Variants in SYNPO2 observed in about 807,000 individuals in gnomAD.
SYNPO2 encodes the protein synaptopodin-2.
Under a neutral mutation model 85.0 loss-of-function variants are expected in SYNPO2, and 56 were observed. The ratio of observed to expected loss-of-function variants is 0.66; its 90% CI spans 0.53 to 0.82. SYNPO2 has a LOEUF of 0.82. Ranked by LOEUF, SYNPO2 falls within the 40% of genes least tolerant of loss-of-function variation. The probability of loss-of-function intolerance (pLI) is 0.00; values close to 1 mark genes in which losing one functional copy is unlikely to be tolerated. For synonymous variants in SYNPO2, 602 were observed against 591.1 expected, an observed-to-expected ratio of 1.02 and a Z score of -0.27; for missense variants, 1,575 against 1,534.2, an observed-to-expected ratio of 1.03 and a Z score of -0.44.
intron 1 of SYNPO2, among the ~76,000 whole-genome samples, chr4:118,989,849 C>G (rs2149167376): frequency 6.6e-6 from 1 of 152,308 alleles, no homozygotes; most frequent in South Asian, 2.1e-4. Flanking sequence ...GAGACAACAC[C>G]AAGAGTCCCT....
intron 4 of SYNPO2, chr4:119,035,822 A>AG: frequency 1.1e-6 from 1 of 926,174 alleles, no homozygotes; most frequent in Non-Finnish European, 1.3e-6. Context: ...AGATGTCCAA[A>AG]AAAAAAAAAA....
intron 4 of SYNPO2, chr4:119,037,409 TA>T: frequency 8.4e-7 from 1 of 1,188,198 alleles, no homozygotes; most frequent in Middle Eastern, 3.5e-4. Context: ...ATTCTAAGAA[TA>T]AACAGAAAAA....
chr4:118,992,826 A>G (rs974960279), intron 1 of SYNPO2, among the ~76,000 whole-genome samples: 4 of 152,150 alleles, frequency 2.6e-5, no homozygotes, highest in Admixed American at 1.3e-4. Context: ...ACTTCCATTT[A>G]GAGTAGTTTC....
chr4:118,863,803 G>T (rs1279379749), intron 1 of SYNPO2, among the ~76,000 whole-genome samples: 2 of 151,950 alleles, frequency 1.3e-5, no homozygotes, highest in African/African-American at 4.8e-5. Flanking sequence ...ATAGAGAAGG[G>T]GTTTTTCCAT....
chr4:118,875,876 G>A (rs1560811607), intron 1 of SYNPO2, among the ~76,000 whole-genome samples: 1 of 152,128 alleles, frequency 6.6e-6, no homozygotes, highest in Non-Finnish European at 1.5e-5. Context: ...TCTTCAATGG[G>A]CAGTGGCAAT....
chr4:118,964,371 T>TAGTTTGTG (rs1491587097), intron 1 of SYNPO2, among the ~76,000 whole-genome samples: 4 of 151,444 alleles, frequency 2.6e-5, no homozygotes, highest in Non-Finnish European at 5.9e-5. Flanking sequence ...GTGCCTGTGG[T>TAGTTTGTG]CCCAGCTACT....
At chr4:118,968,742 G>A (rs1189161559) in intron 1 of SYNPO2, among the ~76,000 whole-genome samples, 2 of 152,134 alleles carry the variant, frequency 1.3e-5, no homozygotes, top group Non-Finnish European at 2.9e-5. Flanking sequence ...AATGGGTAGA[G>A]CAATTTTTAA....
At chr4:119,006,866 T>G (rs1437244646) in intron 1 of SYNPO2, among the ~76,000 whole-genome samples, 1 of 152,152 alleles carries the variant, frequency 6.6e-6, no homozygotes. Context: ...CTACGTTTAT[T>G]AGCAACCAAG....
chr4:119,035,614 GTTTTA>G, intron 4 of SYNPO2: 4 of 985,270 alleles, frequency 4.1e-6, no homozygotes, highest in South Asian at 4.7e-5. Context: ...TGAATTAACT[GTTTTA>G]TTTAATTTTC....
At chr4:118,988,271 AT>A (rs1186206187) in intron 1 of SYNPO2, among the ~76,000 whole-genome samples, 1 of 150,608 alleles carries the variant, frequency 6.6e-6, no homozygotes, top group Non-Finnish European at 1.5e-5. Context: ...AGGTTTTAAT[AT>A]TGTACACTGT....
chr4:119,004,127 A>G (rs956912754), intron 1 of SYNPO2, among the ~76,000 whole-genome samples: 3 of 152,194 alleles, frequency 2.0e-5, no homozygotes, highest in African/African-American at 7.2e-5. Flanking sequence ...CTCTTCAAGG[A>G]ATTCTGCAGA....
chr4:119,024,216 A>C (rs1264123898), intron 2 of SYNPO2, among the ~76,000 whole-genome samples: 1 of 152,144 alleles, frequency 6.6e-6, no homozygotes, highest in Non-Finnish European at 1.5e-5. Flanking sequence ...TGTAAAAAAC[A>C]AAAGAAAACA....
intron 1 of SYNPO2, among the ~76,000 whole-genome samples, chr4:118,960,499 G>A (rs1735041355): frequency 6.6e-6 from 1 of 152,006 alleles, no homozygotes; most frequent in African/African-American, 2.4e-5. Context: ...CCTGTGGCAG[G>A]AAACTAATAT....
At chr4:118,952,497 T>C (rs930287983) in intron 1 of SYNPO2, among the ~76,000 whole-genome samples, 1 of 152,170 alleles carries the variant, frequency 6.6e-6, no homozygotes, top group African/African-American at 2.4e-5. Context: ...AAAGCAGATG[T>C]TCTGTATGAA....
intron 1 of SYNPO2, among the ~76,000 whole-genome samples, chr4:119,013,956 AAAG>A (rs1202458299): frequency 6.6e-6 from 1 of 152,246 alleles, no homozygotes; most frequent in East Asian, 1.9e-4. Context: ...TTGTGATATC[AAAG>A]AAGAATATCC....
Position 118,933,263 on chromosome 4 carries a change from T to C in SYNPO2, c.105+44122T>C, listed in dbSNP as rs138408141. On this transcript the variant is annotated intron_variant, in intron 1 of 4. Transcript: ENST00000307142. ...CTTTAAGTCATGTTATTTAGGGTAG[T>C]GCATCCTGGAATTTTTATTGCAGTG... Among the ~76,000 whole-genome samples the C allele has an allele frequency of 4.0e-3, 605 of 152,332 alleles. 8 individuals carry two copies. The highest frequency in any genetic ancestry group is 0.012 in the African/African-American group (515 of 41,586).
chr4:118,913,278 A>G (rs561758365), intron 1 of SYNPO2, among the ~76,000 whole-genome samples: 2 of 152,310 alleles, frequency 1.3e-5, no homozygotes, highest in African/African-American at 4.8e-5. Flanking sequence ...AGGGAGCAAT[A>G]AAGAGAAGTG....
At chr4:119,041,744 T>C (rs534197369) in intron 4 of SYNPO2, among the ~76,000 whole-genome samples, 3 of 152,226 alleles carry the variant, frequency 2.0e-5, no homozygotes, top group Non-Finnish European at 4.4e-5. Context: ...TACAGCACTT[T>C]AGTATGAGCA....
At chr4:118,892,595 A>G (rs1340134567) in intron 1 of SYNPO2, among the ~76,000 whole-genome samples, 4 of 152,152 alleles carry the variant, frequency 2.6e-5, no homozygotes, top group African/African-American at 9.7e-5. Flanking sequence ...CCTCATATAA[A>G]GGAGTGGGGA....
Sources: gnomAD v4.1 joint callset for allele counts (sites outside exome capture counted in the v4.1 genomes callset) on GRCh38, gnomAD v4.1.1 for gene constraint, MANE v1.5 for transcripts, NCBI Gene and HGNC (gene_info 2026-07-23, HGNC 2026-07-21) for gene names.